Variants in ANO3 observed in about 807,000 individuals in gnomAD.
ANO3 encodes the protein anoctamin-3.
Under a neutral mutation model 144.8 loss-of-function variants are expected in ANO3, and 99 were observed. That is an observed-to-expected ratio of 0.68 (90% CI 0.58 to 0.81). The LOEUF (loss-of-function observed/expected upper bound fraction) is 0.81, where lower values mean the gene tolerates loss of function less well. Among genes scored for constraint, ANO3 ranks in the 30% least tolerant of loss-of-function variants. The probability of loss-of-function intolerance (pLI) is 0.00; values close to 1 mark genes in which losing one functional copy is unlikely to be tolerated. For synonymous variants in ANO3, 414 were observed against 392.6 expected (o/e 1.05, Z -0.64); for missense variants, 905 against 1,202.2 (o/e 0.75, Z 3.66).
At chr11:26,529,896 G>C (rs1204664618) in intron 7 of ANO3, among the ~76,000 whole-genome samples, 1 of 152,094 alleles carries the variant, frequency 6.6e-6, no homozygotes. Context: ...AAAGTATCCT[G>C]ATGTCAGATT....
chr11:26,294,756 C>T (rs4331044), intron 1 of ANO3, among the ~76,000 whole-genome samples: 38,052 of 152,042 alleles, frequency 0.25, 6,816 homozygotes, highest in African/African-American at 0.51. Context: ...AAAAACACAT[C>T]GAAAAAATCT....
At chr11:26,564,672 TATATATATACTC>T (rs1315126989) in intron 14 of ANO3, among the ~76,000 whole-genome samples, 3 of 133,140 alleles carry the variant, frequency 2.3e-5, no homozygotes, top group South Asian at 2.5e-4. Flanking sequence ...TAAAAACTCA[TATATATATACTC>T]ATATATATAC....
chr11:26,206,532 G>T (rs1046055355), intron 1 of ANO3, among the ~76,000 whole-genome samples: 1 of 152,154 alleles, frequency 6.6e-6, no homozygotes, highest in East Asian at 1.9e-4. Context: ...ACAAGGTGGT[G>T]TAGGGAGGAC....
chr11:26,275,718 A>G (rs1438510409), intron 1 of ANO3, among the ~76,000 whole-genome samples: 1 of 152,144 alleles, frequency 6.6e-6, no homozygotes, highest in East Asian at 1.9e-4. Flanking sequence ...AGCAGATTTC[A>G]AGGTGGTGTT....
chr11:26,544,552 T>C (rs1249823350), intron 11 of ANO3, among the ~76,000 whole-genome samples: 1 of 148,112 alleles, frequency 6.8e-6, no homozygotes, highest in Non-Finnish European at 1.5e-5. Flanking sequence ...TTAATAATAA[T>C]GTATTTTATG....
chr11:26,200,269 T>C (rs1022152202), intron 1 of ANO3, among the ~76,000 whole-genome samples: 1 of 152,164 alleles, frequency 6.6e-6, no homozygotes, highest in East Asian at 1.9e-4. Context: ...TATCAAGACA[T>C]GTAGCTATTT....
intron 14 of ANO3, among the ~76,000 whole-genome samples, chr11:26,564,732 C>T (rs10835003): frequency 3.4e-3 from 87 of 25,316 alleles, no homozygotes; most frequent in East Asian, 0.017. Context: ...CACACACACA[C>T]ATATATATAT....
chr11:26,456,253 A>C (rs962049260), intron 3 of ANO3, among the ~76,000 whole-genome samples: 1 of 152,210 alleles, frequency 6.6e-6, no homozygotes, highest in Non-Finnish European at 1.5e-5. Flanking sequence ...GAGCTTCTGC[A>C]CAGCAAAAGA....
At chr11:26,548,951 GAAA>G (rs5790587) in intron 12 of ANO3, among the ~76,000 whole-genome samples, 10 of 146,920 alleles carry the variant, frequency 6.8e-5, no homozygotes, top group South Asian at 2.2e-4. Context: ...CAATGAATTG[GAAA>G]AAAAAAAAAA....
intron 1 of ANO3, among the ~76,000 whole-genome samples, chr11:26,191,566 A>G (rs1590184789): frequency 6.6e-6 from 1 of 152,166 alleles, no homozygotes; most frequent in African/African-American, 2.4e-5. Context: ...CACTATTTCA[A>G]TGATTCTGTA....
At chr11:26,613,316 C>T (rs990096088) in intron 17 of ANO3, among the ~76,000 whole-genome samples, 1 of 151,994 alleles carries the variant, frequency 6.6e-6, no homozygotes, top group Non-Finnish European at 1.5e-5. Flanking sequence ...TTGAATTATT[C>T]AGCTTCAAGA....
At chr11:26,305,560 CA>C (rs1854361440), upstream of ANO3, among the ~76,000 whole-genome samples, 1 of 151,812 alleles carries the variant, frequency 6.6e-6, no homozygotes, top group African/African-American at 2.4e-5. Flanking sequence ...AAGTGATATT[CA>C]ACAAGTAGTC....
chr11:26,268,692 A>G (rs1442400931), intron 1 of ANO3, among the ~76,000 whole-genome samples: 1 of 152,178 alleles, frequency 6.6e-6, no homozygotes, highest in African/African-American at 2.4e-5. Flanking sequence ...TCAGCCGAAG[A>G]AGGTGCAACT....
chr11:26,419,976 G>A (rs376660865), intron 1 of ANO3, among the ~76,000 whole-genome samples: 9 of 152,140 alleles, frequency 5.9e-5, no homozygotes, highest in East Asian at 3.9e-4. Context: ...TGCACCTCCC[G>A]GAGTCTTAAA....
intron 4 of ANO3, among the ~76,000 whole-genome samples, chr11:26,477,855 T>G (rs1860042258): frequency 6.6e-6 from 1 of 152,164 alleles, no homozygotes; most frequent in South Asian, 2.1e-4. Context: ...TAATTTTACT[T>G]ATAAGGATTT....
At chr11:26,247,322 C>T (rs78765536) in intron 1 of ANO3, among the ~76,000 whole-genome samples, 2,604 of 152,262 alleles carry the variant, frequency 0.017, 58 homozygotes, top group East Asian at 0.13. Flanking sequence ...TGTCTCACAA[C>T]GTGCTATAAT....
intron 10 of ANO3, 62 bp from the exon 11 acceptor site, chr11:26,541,885 C>A: frequency 6.7e-7 from 1 of 1,498,008 alleles, no homozygotes; most frequent in South Asian, 1.3e-5. Flanking sequence ...AAATACAGTT[C>A]TTACTCAGTT....
chr11:26,298,779 C>T (rs552599987), intron 1 of ANO3, among the ~76,000 whole-genome samples: 3 of 152,202 alleles, frequency 2.0e-5, no homozygotes, highest in East Asian at 1.9e-4. Context: ...GGTTAGATTT[C>T]GGACATACTT....
intron 1 of ANO3, among the ~76,000 whole-genome samples, chr11:26,247,652 G>T (rs1852826571): frequency 6.7e-6 from 1 of 149,518 alleles, no homozygotes; most frequent in Non-Finnish European, 1.5e-5. Context: ...TCTGTGTCAT[G>T]TGATTATTTA....
Sources: gnomAD v4.1 joint callset for allele counts (sites outside exome capture counted in the v4.1 genomes callset) on GRCh38, gnomAD v4.1.1 for gene constraint, MANE v1.5 for transcripts, NCBI Gene and HGNC (gene_info 2026-07-23, HGNC 2026-07-21) for gene names.